The following MARCHF11 variants were observed in gnomAD, a reference collection of about 807,000 sequenced individuals.
MARCHF11 encodes the protein membrane associated ring-CH-type finger 11.
A neutral mutation model predicts 37.3 loss-of-function variants in MARCHF11; 29 were observed. The ratio of observed to expected loss-of-function variants is 0.78; its 90% confidence interval spans 0.58 to 1.06. MARCHF11 has a LOEUF of 1.06. Among genes scored for constraint, MARCHF11 ranks in the 50% least tolerant of loss-of-function variants. The probability of loss-of-function intolerance (pLI) is 0.00; values close to 1 mark genes in which losing one functional copy is unlikely to be tolerated. For synonymous variants in MARCHF11, 233 were observed against 228.0 expected (o/e 1.02, Z -0.20); for missense variants, 482 against 533.4 (o/e 0.90, Z 0.95).
intron 2 of MARCHF11, among the ~76,000 whole-genome samples, chr5:16,107,620 G>T (rs1356529514): frequency 6.6e-6 from 1 of 152,068 alleles, no homozygotes; most frequent in Non-Finnish European, 1.5e-5. Flanking sequence ...TTAAAGCCTG[G>T]ATAAACTCAG....
At chr5:16,075,823 T>C (rs1003046484) in intron 3 of MARCHF11, among the ~76,000 whole-genome samples, 2 of 152,088 alleles carry the variant, frequency 1.3e-5, no homozygotes, top group African/African-American at 4.8e-5. Flanking sequence ...TTTTGGTCTT[T>C]GGGGGTAACG....
chr5:16,114,204 G>T (rs764308042), intron 2 of MARCHF11, among the ~76,000 whole-genome samples: 4 of 151,982 alleles, frequency 2.6e-5, no homozygotes, highest in Non-Finnish European at 5.9e-5. Context: ...ACATATCTTA[G>T]CTACTGTCAA....
chr5:16,174,562 C>T (rs1464081347), intron 2 of MARCHF11, among the ~76,000 whole-genome samples: 1 of 152,234 alleles, frequency 6.6e-6, no homozygotes, highest in Non-Finnish European at 1.5e-5. Context: ...CTGATAACTG[C>T]TCTTTGCCCT....
At position 16,137,220 on chromosome 5, in the gene MARCHF11, T is replaced by C. The variant is rs575738224; in HGVS notation, c.693+40506A>G. Among the ~76,000 whole-genome samples the C allele has an allele frequency of 3.3e-5, 5 of 152,322 alleles. No homozygotes were observed. In the South Asian group the frequency reaches 1.0e-3, roughly 32 times the overall value. On this transcript the variant is annotated intron_variant, in intron 2 of 3. Transcript: ENST00000332432. ...CCCAACCAAATTTCATCTTGAACTG[T>C]AGCTCCCATCATCCCCATGTGTCAT...
At chr5:16,131,062 T>C (rs115763803) in intron 2 of MARCHF11, among the ~76,000 whole-genome samples, 47 of 152,316 alleles carry the variant, frequency 3.1e-4, no homozygotes, top group Admixed American at 3.0e-3. Flanking sequence ...CAGCAGAGGA[T>C]AGCCTGAATA....
intron 2 of MARCHF11, among the ~76,000 whole-genome samples, chr5:16,115,532 C>G (rs926836404): frequency 3.9e-4 from 60 of 152,114 alleles, no homozygotes; most frequent in African/African-American, 1.4e-3. Flanking sequence ...TCCATGGTAG[C>G]AAGCATCTGG....
At chr5:16,152,319 A>C (rs116446253) in intron 2 of MARCHF11, among the ~76,000 whole-genome samples, 1 of 152,090 alleles carries the variant, frequency 6.6e-6, no homozygotes, top group Non-Finnish European at 1.5e-5. Flanking sequence ...AGTTTCTGGG[A>C]CAAGCAAGGC....
At chr5:16,142,302 C>T (rs147578215) in intron 2 of MARCHF11, among the ~76,000 whole-genome samples, 157 of 152,300 alleles carry the variant, frequency 1.0e-3, no homozygotes, top group African/African-American at 3.6e-3. Flanking sequence ...TTTTCTCTTC[C>T]ACCTAGGACC....
intron 2 of MARCHF11, among the ~76,000 whole-genome samples, chr5:16,171,185 A>G (rs1044752999): frequency 6.6e-6 from 1 of 152,024 alleles, no homozygotes; most frequent in Non-Finnish European, 1.5e-5. Context: ...TACATGTGCC[A>G]TGCTGGTGCG....
At chr5:16,120,218 G>A (rs1255199071) in intron 2 of MARCHF11, among the ~76,000 whole-genome samples, 1 of 152,238 alleles carries the variant, frequency 6.6e-6, no homozygotes, top group Admixed American at 6.5e-5. Context: ...TCTAAGTGCT[G>A]AGAACATTGC....
At chr5:16,160,343 ATTAT>A in intron 2 of MARCHF11, among the ~76,000 whole-genome samples, 1 of 144,166 alleles carries the variant, frequency 6.9e-6, no homozygotes, top group South Asian at 2.1e-4. Flanking sequence ...TAATATATTA[ATTAT>A]ATATTAAATA....
At chr5:16,156,902 C>T (rs900674951) in intron 2 of MARCHF11, among the ~76,000 whole-genome samples, 2 of 151,766 alleles carry the variant, frequency 1.3e-5, no homozygotes, top group African/African-American at 4.8e-5. Context: ...AGTAAAAATA[C>T]AGTATTATGC....
chr5:16,146,965 CAG>C (rs1309973967), intron 2 of MARCHF11, among the ~76,000 whole-genome samples: 1 of 152,052 alleles, frequency 6.6e-6, no homozygotes, highest in Non-Finnish European at 1.5e-5. Context: ...GATAGAGACT[CAG>C]AGAGAGATAG....
intron 3 of MARCHF11, among the ~76,000 whole-genome samples, chr5:16,074,103 T>A (rs983480592): frequency 6.6e-6 from 1 of 152,174 alleles, no homozygotes; most frequent in African/African-American, 2.4e-5. Flanking sequence ...AAAGGAATAC[T>A]CAAAACCATG....
At chr5:16,137,000 T>C (rs1001868543) in intron 2 of MARCHF11, among the ~76,000 whole-genome samples, 1 of 152,014 alleles carries the variant, frequency 6.6e-6, no homozygotes, top group Non-Finnish European at 1.5e-5. Flanking sequence ...CAATAAAAAA[T>C]ATAAAATCAA....
intron 2 of MARCHF11, among the ~76,000 whole-genome samples, chr5:16,143,285 G>C (rs899067589): frequency 2.0e-5 from 3 of 152,136 alleles, no homozygotes; most frequent in Non-Finnish European, 4.4e-5. Flanking sequence ...AGGCAGAGTC[G>C]TGTGGGAAAG....
chr5:16,087,684 G>A (rs921282018), intron 3 of MARCHF11, among the ~76,000 whole-genome samples: 5 of 151,994 alleles, frequency 3.3e-5, no homozygotes, highest in Admixed American at 6.6e-5. Context: ...CTATGATAGC[G>A]GCTAGACCCT....
intron 2 of MARCHF11, among the ~76,000 whole-genome samples, chr5:16,140,374 T>C (rs1055211711): frequency 6.6e-6 from 1 of 152,160 alleles, no homozygotes; most frequent in Non-Finnish European, 1.5e-5. Context: ...AAAAGCCCCT[T>C]GGCTTAAAAA....
At chr5:16,153,865 C>A (rs947472856) in intron 2 of MARCHF11, among the ~76,000 whole-genome samples, 9 of 151,924 alleles carry the variant, frequency 5.9e-5, no homozygotes, top group Admixed American at 3.9e-4. Flanking sequence ...TGAGAAATAA[C>A]CTGTAGACTT....
Sources: gnomAD v4.1 joint callset for allele counts (sites outside exome capture counted in the v4.1 genomes callset) on GRCh38, gnomAD v4.1.1 for gene constraint, MANE v1.5 for transcripts, NCBI Gene and HGNC (gene_info 2026-07-23, HGNC 2026-07-21) for gene names.